WSB2: variants seen among roughly 807,000 people sequenced by gnomAD.
WSB2 encodes WD repeat and SOCS box containing 2.
Under a neutral mutation model 48.8 loss-of-function variants are expected in WSB2, and 12 were observed. The ratio of observed to expected loss-of-function variants is 0.25; its 90% CI spans 0.16 to 0.40. WSB2 has a LOEUF of 0.40. Ranked by LOEUF, WSB2 falls within the 10% of genes least tolerant of loss-of-function variation. The pLI is 1.00. For missense variants in WSB2, 317 were observed against 506.2 expected, an observed-to-expected ratio of 0.63 and a Z score of 3.59; for synonymous variants, 191 against 203.1, an observed-to-expected ratio of 0.94 and a Z score of 0.51.
intron 4 of WSB2, among the ~76,000 whole-genome samples, chr12:118,039,847 G>A (rs762649438): frequency 6.1e-4 from 92 of 151,516 alleles, no homozygotes; most frequent in Non-Finnish European, 1.1e-3. Flanking sequence ...GGGTTCAAGC[G>A]ATTCTCCTGC....
rs2032058583 is a variant in WSB2 at position 118,061,156 on chromosome 12, G to T, written c.-108C>A. On this transcript the variant is annotated 5_prime_UTR_variant, in exon 1 of 9. Transcript: ENST00000315436. ...CCGCCCCGGCCAGGCCGCCGCCGCC[G>T]CCCGGAGAGGCCATCAGCTGCTTCC... 1 of 982,658 alleles carries T rather than the reference G, an allele frequency of 1.0e-6. No individual in the cohort carries two copies. The highest frequency in any genetic ancestry group is 1.2e-6 in the Non-Finnish European group (1 of 828,742). The allele number at this position is 982,658 out of a possible 1,614,324, so 60.9% of individuals were successfully genotyped here. A position where few individuals can be genotyped will look rare whatever the true frequency, so the allele number is the denominator to read the frequency against.
At chr12:118,061,677 G>T (rs1385840005), upstream of WSB2, among the ~76,000 whole-genome samples, 10 of 150,552 alleles carry the variant, frequency 6.6e-5, no homozygotes, top group Non-Finnish European at 1.5e-4. Flanking sequence ...CGAGGGCTGT[G>T]GGGGTAAGGG....
chr12:118,057,197 G>C (rs191079279), intron 1 of WSB2, among the ~76,000 whole-genome samples: 2 of 152,206 alleles, frequency 1.3e-5, no homozygotes, highest in Admixed American at 1.3e-4. Context: ...AGAGCTGGGG[G>C]TGGGGTATCT....
At chr12:118,056,064 C>T (rs1437405176) in intron 1 of WSB2, among the ~76,000 whole-genome samples, 1 of 152,078 alleles carries the variant, frequency 6.6e-6, no homozygotes, top group Non-Finnish European at 1.5e-5. Flanking sequence ...CTTCCAGCTG[C>T]TCTCCCGGCT....
Position 118,038,351 on chromosome 12 carries a change from C to G in WSB2, c.597G>C (p.Trp199Cys). 1 of 1,614,118 alleles carries G rather than the reference C, an allele frequency of 6.2e-7. No homozygotes were observed. The highest frequency in any genetic ancestry group is 8.5e-7 in the Non-Finnish European group (1 of 1,180,024). The stretch of plus-strand genomic sequence containing the variant: ...CTGGGGAGATGGAACAGCAGTAAAC[C>G]CACTGCAGGTGGCCCGATAACACTT... ...QIQVLSGHLQ[W>C]VYCCSISPDC... Residue 199 changes from tryptophan (W) to cysteine (C), a missense_variant, in exon 5 of 9, where the codon TGG becomes TGC. Trp to Cys is a radical substitution (Grantham distance 215). This residue lies in a region of WSB2 where 189 missense variants were observed against 349.6 expected (regional missense o/e 0.54). Transcript: ENST00000315436.
chr12:118,059,839 T>C (rs2032029344), intron 1 of WSB2, among the ~76,000 whole-genome samples: 1 of 152,190 alleles, frequency 6.6e-6, no homozygotes, highest in African/African-American at 2.4e-5. Context: ...AGAGCTGCCT[T>C]TAACTCAATG....
At chr12:118,050,700 C>CAAAAA (rs2031834022) in intron 2 of WSB2, among the ~76,000 whole-genome samples, 1 of 151,956 alleles carries the variant, frequency 6.6e-6, no homozygotes, top group African/African-American at 2.4e-5. Flanking sequence ...CAAAAACGAG[C>CAAAAA]AAAGGCTCTG....
In WSB2 at chr12:118,033,498, T is replaced by C. The variant is rs1260940345; in HGVS notation, c.*698A>G. ...CATGCGGTTTAAGAATACATCCTTG[T>C]ATAATCTGACATACAAATTTGTCAT... On this transcript the variant is annotated 3_prime_UTR_variant, in exon 9 of 9. Transcript: ENST00000315436. 6.6e-6 allele frequency: 1 copy of C among 151,292 alleles called. No individual in the cohort carries two copies. The highest frequency in any genetic ancestry group is 2.5e-5 in the African/African-American group (1 of 40,800). The allele number at this position is 151,292 out of a possible 1,614,324, so 9.4% of individuals were successfully genotyped here.
chr12:118,035,173 C>T (rs1396747375), intron 7 of WSB2, 41 bp downstream of exon 7: 1 of 1,613,168 alleles, frequency 6.2e-7, no homozygotes, highest in Non-Finnish European at 8.5e-7. Context: ...TACTTGCAAG[C>T]ACTTGTTCTG....
At position 118,035,337 on chromosome 12, in the gene WSB2, G is replaced by A. The variant is rs1593461455; in HGVS notation, c.834-13C>T. The A allele has an allele frequency of 6.2e-7, 1 of 1,612,466 alleles. No individual in the cohort carries two copies. Among genetic ancestry groups the A allele is most frequent in the East Asian group, 2.2e-5 (1 of 44,876 alleles). ...AACCTGGGTGTGGCTGGGAAGGAAA[G>A]AAACAGGATGGCAGGCCTGGAGTGA... On this transcript the variant is annotated splice_polypyrimidine_tract_variant and intron_variant, in intron 6 of 8. Transcript: ENST00000315436.
chr12:118,061,755 GA>G (rs1195943430), upstream of WSB2, among the ~76,000 whole-genome samples: 2 of 144,164 alleles, frequency 1.4e-5, no homozygotes, highest in African/African-American at 5.1e-5. Context: ...GAAGGCCGAT[GA>G]GGGGGGAAAC....
At chr12:118,056,710 G>C in intron 1 of WSB2, among the ~76,000 whole-genome samples, 1 of 152,144 alleles carries the variant, frequency 6.6e-6, no homozygotes, top group East Asian at 1.9e-4. Context: ...AGACCAGCCT[G>C]GCCAACGTGG....
At chr12:118,052,563 GC>G in intron 1 of WSB2, 85 bp from the exon 2 acceptor site, 1 of 1,577,578 alleles carries the variant, frequency 6.3e-7, no homozygotes, top group South Asian at 1.2e-5. Flanking sequence ...TCTCCCTGTG[GC>G]AAAGAGCCAC....
At chr12:118,054,217 C>CAAAAAAAAAAAA (rs61421772) in intron 1 of WSB2, among the ~76,000 whole-genome samples, 67 of 55,792 alleles carry the variant, frequency 1.2e-3, no homozygotes, top group Non-Finnish European at 1.6e-3. Context: ...ACTAAAAATC[C>CAAAAAAAAAAAA]AAAAAAAAAA....
upstream of WSB2, among the ~76,000 whole-genome samples, chr12:118,061,522 A>C (rs2032066538): frequency 6.6e-6 from 1 of 150,786 alleles, no homozygotes; most frequent in Non-Finnish European, 1.5e-5. Flanking sequence ...GAGCTGAGGG[A>C]AACCGGGAAA....
In WSB2 at chr12:118,035,205, C is replaced by T; in HGVS notation, c.944+9G>A. On this transcript the variant is annotated intron_variant, in intron 7 of 8. Coordinates refer to ENST00000315436, the MANE Select transcript of WSB2 (RefSeq NM_018639.5). ...TCTGAGGCCATGTAAAGAGAGTTCT[C>T]TTCGTTACCTGTCATCTGCCACCGT... The T allele has an allele frequency of 6.2e-7, 1 of 1,614,072 alleles. No homozygotes were observed. Among genetic ancestry groups the T allele is most frequent in the Non-Finnish European group, 8.5e-7 (1 of 1,179,922 alleles).
chr12:118,038,198 C>T, intron 5 of WSB2, 90 bp downstream of exon 5: 9 of 1,265,112 alleles, frequency 7.1e-6, no homozygotes, highest in South Asian at 3.2e-5. Flanking sequence ...GGTGGATTTG[C>T]GGACGATTTT....
intron 2 of WSB2, among the ~76,000 whole-genome samples, chr12:118,047,721 A>G (rs1255240349): frequency 1.3e-5 from 2 of 152,162 alleles, no homozygotes; most frequent in African/African-American, 4.8e-5. Flanking sequence ...TCTGCCCCCC[A>G]AAAAGCCCGA....
intron 2 of WSB2, among the ~76,000 whole-genome samples, chr12:118,046,236 G>A (rs988445453): frequency 8.6e-5 from 13 of 152,018 alleles, no homozygotes; most frequent in East Asian, 1.9e-4. Context: ...TGAGGCGGGC[G>A]GATCACTTGA....
Sources: gnomAD v4.1 joint callset for allele counts (sites outside exome capture counted in the v4.1 genomes callset) on GRCh38, gnomAD v4.1.1 for gene constraint, gnomAD v4.1.1 regional missense constraint, MANE v1.5 for transcripts, NCBI Gene and HGNC (gene_info 2026-07-23, HGNC 2026-07-21) for gene names.